The following ARHGAP44 variants were observed in gnomAD, a reference collection of about 807,000 sequenced individuals.
ARHGAP44 encodes Rho GTPase activating protein 44.
Under a neutral mutation model 106.8 loss-of-function variants are expected in ARHGAP44, and 43 were observed. The ratio of observed to expected loss-of-function variants is 0.40; its 90% CI spans 0.32 to 0.52. ARHGAP44 has a LOEUF of 0.52. ARHGAP44 is among the 20% of genes least tolerant of loss of function. The probability of loss-of-function intolerance (pLI) is 0.48; values close to 1 mark genes in which losing one functional copy is unlikely to be tolerated. For missense variants in ARHGAP44, 866 were observed against 1,050.5 expected, an observed-to-expected ratio of 0.82 and a Z score of 2.43; for synonymous variants, 439 against 410.3, an observed-to-expected ratio of 1.07 and a Z score of -0.85.
chr17:12,989,654 C>T (rs1006347220), intron 20 of ARHGAP44, among the ~76,000 whole-genome samples: 2 of 152,132 alleles, frequency 1.3e-5, no homozygotes, highest in Admixed American at 6.5e-5. Flanking sequence ...CACGTCCTGT[C>T]CCTGCAGATT....
chr17:12,814,492 C>T (rs1029152159), intron 1 of ARHGAP44, among the ~76,000 whole-genome samples: 14 of 151,546 alleles, frequency 9.2e-5, no homozygotes, highest in African/African-American at 2.4e-4. Context: ...CTGCCCGCCT[C>T]GGCCTCCCGA....
intron 15 of ARHGAP44, among the ~76,000 whole-genome samples, chr17:12,957,479 G>T (rs2039158892): frequency 6.6e-6 from 1 of 152,190 alleles, no homozygotes; most frequent in African/African-American, 2.4e-5. Flanking sequence ...CTTTTATTCA[G>T]GACTTGCAGA....
chr17:12,984,824 A>G lies in ARHGAP44; in HGVS notation c.2233A>G (p.Thr745Ala), dbSNP rs2039920073. The change falls in exon 20 of 21, where the codon ACA becomes GCA. Residue 745 changes from threonine (T) to alanine (A), a missense_variant. This residue lies in a region of ARHGAP44 where 418 missense variants were observed against 403.6 expected (regional missense o/e 1.04). Transcript: ENST00000379672. The part of the protein sequence containing the change: ...RPTLPPPQPP[T>A]VNLSASSPQS... ...TACTCTGCCGCCTCCTCAGCCTCCCACAGTAAACCTCTCGGCCTCTAGTCC... is the reference window on the plus strand; with the variant it reads ...TACTCTGCCGCCTCCTCAGCCTCCCGCAGTAAACCTCTCGGCCTCTAGTCC... The G allele has an allele frequency of 1.9e-6, 3 of 1,613,702 alleles. No individual in the cohort carries two copies. Among genetic ancestry groups the G allele is most frequent in the Non-Finnish European group, 1.7e-6 (2 of 1,179,868 alleles).
At chr17:12,887,358 G>A (rs2036912445) in intron 1 of ARHGAP44, among the ~76,000 whole-genome samples, 2 of 151,928 alleles carry the variant, frequency 1.3e-5, no homozygotes, top group African/African-American at 2.4e-5. Context: ...CCACCCGAGT[G>A]GCTAGGACTA....
intron 16 of ARHGAP44, among the ~76,000 whole-genome samples, chr17:12,967,007 T>C (rs2039406769): frequency 6.6e-6 from 1 of 152,082 alleles, no homozygotes; most frequent in Non-Finnish European, 1.5e-5. Context: ...ATCTTCCAAA[T>C]TTTATATTTT....
intron 1 of ARHGAP44, among the ~76,000 whole-genome samples, chr17:12,845,193 T>G (rs7221664): frequency 0.29 from 44,693 of 151,886 alleles, 9,778 homozygotes; most frequent in African/African-American, 0.61. Flanking sequence ...TTTATGACAT[T>G]CTGTGTGTTC....
At chr17:12,877,329 G>A (rs1231521804) in intron 1 of ARHGAP44, among the ~76,000 whole-genome samples, 2 of 152,112 alleles carry the variant, frequency 1.3e-5, no homozygotes, top group African/African-American at 4.8e-5. Context: ...AGGTTGATTT[G>A]ATTGATCACA....
intron 1 of ARHGAP44, among the ~76,000 whole-genome samples, chr17:12,862,996 TAAAA>T (rs140382621): frequency 7.1e-6 from 1 of 141,798 alleles, no homozygotes; most frequent in Non-Finnish European, 1.5e-5. Flanking sequence ...AAAAATAAAA[TAAAA>T]AAAAAGGCCG....
intron 1 of ARHGAP44, among the ~76,000 whole-genome samples, chr17:12,796,666 G>T (rs952099122): frequency 6.6e-6 from 1 of 151,090 alleles, no homozygotes; most frequent in Non-Finnish European, 1.5e-5. Context: ...GCATGATCTC[G>T]GCTTACTGCA....
intron 13 of ARHGAP44, 128 bp from the exon 14 acceptor site, chr17:12,955,739 T>C: frequency 1.6e-6 from 1 of 611,718 alleles, no homozygotes; most frequent in South Asian, 2.1e-5. Context: ...GCATGTTCAT[T>C]ACATTGCAGG....
intron 3 of ARHGAP44, among the ~76,000 whole-genome samples, chr17:12,896,886 T>A (rs2037222061): frequency 6.6e-6 from 1 of 152,208 alleles, no homozygotes; most frequent in East Asian, 1.9e-4. Context: ...GCCTCAATAG[T>A]ATCTTAAGAT....
chr17:12,900,953 C>T (rs918566239), intron 3 of ARHGAP44, among the ~76,000 whole-genome samples: 17 of 131,506 alleles, frequency 1.3e-4, no homozygotes, highest in East Asian at 2.4e-4. Flanking sequence ...GATGGAGTTT[C>T]GCTCTTGTCA....
In ARHGAP44 at chr17:12,980,064, A is replaced by C; in HGVS notation, c.1770A>C (p.Thr590=). The change falls in exon 19 of 21, where the codon ACA becomes ACC. Residue 590 remains threonine (T), a synonymous_variant. Coordinates refer to ENST00000379672, the MANE Select transcript of ARHGAP44 (RefSeq NM_014859.6). The part of the protein sequence containing the change: ...LQPGPERTST[T]KSKELSPGSA... ...TCATGTGCTTTCGTTTCAGCACAACAAAAAGCAAGGAACTTTCTCCAGGCT... is the reference window on the plus strand; with the variant it reads ...TCATGTGCTTTCGTTTCAGCACAACCAAAAGCAAGGAACTTTCTCCAGGCT... The C allele has an allele frequency of 6.2e-7, 1 of 1,603,544 alleles. No individual in the cohort carries two copies. The highest frequency in any genetic ancestry group is 8.5e-7 in the Non-Finnish European group (1 of 1,174,504).
rs936765432 is a variant in ARHGAP44 at position 12,918,342 on chromosome 17, T to C, written c.388-1413T>C. 5.9e-5 allele frequency among the ~76,000 whole-genome samples: 9 copies of C among 152,286 alleles called. No homozygotes were observed. In the South Asian group the frequency reaches 6.2e-4, roughly 11 times the overall value. ...TGAATAGAAAGCACTTCAGAGAACA[T>C]TGGATTCTCCTCGAATTTTTTCCTT... On this transcript the variant is annotated intron_variant, in intron 5 of 20. Coordinates refer to ENST00000379672, the MANE Select transcript of ARHGAP44 (RefSeq NM_014859.6).
intron 1 of ARHGAP44, among the ~76,000 whole-genome samples, chr17:12,808,764 C>T (rs116384502): frequency 0.01 from 1,560 of 152,308 alleles, 38 homozygotes; most frequent in African/African-American, 0.036. Flanking sequence ...AGATTTGGCT[C>T]CTCGTTACTT....
At chr17:12,976,237 A>G (rs1335331721) in intron 18 of ARHGAP44, among the ~76,000 whole-genome samples, 1 of 152,012 alleles carries the variant, frequency 6.6e-6, no homozygotes, top group African/African-American at 2.4e-5. Flanking sequence ...CCACCAGCAC[A>G]CAAACACACA....
intron 4 of ARHGAP44, among the ~76,000 whole-genome samples, chr17:12,910,115 T>C (rs2037680197): frequency 6.6e-6 from 1 of 152,118 alleles, no homozygotes; most frequent in African/African-American, 2.4e-5. Flanking sequence ...TCAGGCAGAT[T>C]TGAAGAAGAT....
intron 1 of ARHGAP44, among the ~76,000 whole-genome samples, chr17:12,862,039 T>C (rs150712851): frequency 4.2e-4 from 64 of 152,280 alleles, no homozygotes; most frequent in African/African-American, 1.5e-3. Context: ...CAAAGTCTCC[T>C]TTGCCATGTA....
chr17:12,835,315 G>A (rs898462442), intron 1 of ARHGAP44, among the ~76,000 whole-genome samples: 1 of 152,134 alleles, frequency 6.6e-6, no homozygotes, highest in African/African-American at 2.4e-5. Flanking sequence ...ACAGATGTGT[G>A]CAGATGTGTA....
Sources: allele counts gnomAD v4.1 joint callset (sites outside exome capture counted in the v4.1 genomes callset), GRCh38; gene constraint gnomAD v4.1.1; regional missense constraint gnomAD v4.1.1; transcripts MANE v1.5; gene names NCBI Gene and HGNC (gene_info 2026-07-23, HGNC 2026-07-21).